The following PTGER3 variants were observed in gnomAD, a reference collection of about 807,000 sequenced individuals.
PTGER3 encodes the protein prostaglandin E2 receptor EP3 subtype.
Under a neutral mutation model 34.7 loss-of-function variants are expected in PTGER3, and 22 were observed. The observed-to-expected ratio is 0.63, with a 90% CI of 0.45 to 0.91. PTGER3 has a LOEUF of 0.91. PTGER3 is among the 40% of genes least tolerant of loss of function. The probability of loss-of-function intolerance (pLI) is 0.00; values close to 1 mark genes in which losing one functional copy is unlikely to be tolerated. For missense variants in PTGER3, 468 were observed against 519.4 expected, an observed-to-expected ratio of 0.90 and a Z score of 0.96; for synonymous variants, 241 against 230.1, an observed-to-expected ratio of 1.05 and a Z score of -0.43.
rs1048483749 is a variant in PTGER3 at position 71,008,073 on chromosome 1, T to TA, written c.1077+4231dup. ...AATATGAAGTTATTATCTCTCCTCT[T>TA]AAAAACAATCCCAGCCTCATCAACA... On this transcript the variant is annotated intron_variant, in intron 2 of 3. Coordinates refer to ENST00000306666, the MANE Select transcript of PTGER3 (RefSeq NM_198719.2). 25 of 982,960 alleles carry TA rather than the reference T, an allele frequency of 2.5e-5. No individual in the cohort carries two copies. In the African/African-American group the frequency reaches 4.0e-4, roughly 16 times the overall value. 60.9% of individuals were successfully genotyped at this position (982,960 alleles called of 1,614,324 possible). A position where few individuals can be genotyped will look rare whatever the true frequency, so the allele number is the denominator to read the frequency against.
intron 2 of PTGER3, among the ~76,000 whole-genome samples, chr1:70,982,228 C>T (rs1449068705): frequency 6.6e-6 from 1 of 152,110 alleles, no homozygotes; most frequent in Non-Finnish European, 1.5e-5. Context: ...ATTATTCTAC[C>T]AGGTATATTT....
At chr1:71,045,950 G>A (rs897965751) in intron 1 of PTGER3, among the ~76,000 whole-genome samples, 8 of 151,746 alleles carry the variant, frequency 5.3e-5, no homozygotes. Flanking sequence ...GACTGTATGG[G>A]GTTGCAGACT....
At chr1:71,025,886 T>C (rs1658885830) in intron 1 of PTGER3, among the ~76,000 whole-genome samples, 1 of 152,238 alleles carries the variant, frequency 6.6e-6, no homozygotes, top group African/African-American at 2.4e-5. Context: ...CTTCCTGTCA[T>C]GATTAGGAAA....
intron 2 of PTGER3, among the ~76,000 whole-genome samples, chr1:70,985,031 C>T (rs900104796): frequency 1.6e-4 from 25 of 152,116 alleles, no homozygotes; most frequent in African/African-American, 5.6e-4. Flanking sequence ...AGAGCTAATG[C>T]CAACTTCAGC....
chr1:71,047,693 C>G lies in PTGER3; in HGVS notation c.-116G>C, dbSNP rs957711058. ...ACCGCGGCTGGGGCTGGGCTGCCCC[C>G]CATGGTGCGGGGCGCAGCCGCCGCC... On this transcript the variant is annotated 5_prime_UTR_variant, in exon 1 of 4. Transcript: ENST00000306666. 8 of 1,256,856 alleles carry G rather than the reference C, an allele frequency of 6.4e-6. No homozygotes were observed. The African/African-American group carries it at 7.9e-5, about 12-fold the overall frequency. The allele number at this position is 1,256,856 out of a possible 1,614,324, so 77.9% of individuals were successfully genotyped here. A position where few individuals can be genotyped will look rare whatever the true frequency, so the allele number is the denominator to read the frequency against.
intron 2 of PTGER3, chr1:70,997,311 G>A (rs192520987): frequency 7.2e-5 from 11 of 152,108 alleles, no homozygotes; most frequent in Non-Finnish European, 1.0e-4. Flanking sequence ...TAAAGTATAC[G>A]TCTCTTCTCT....
intron 4 of PTGER3, among the ~76,000 whole-genome samples, chr1:70,857,620 C>A (rs1287782687): frequency 1.6e-4 from 24 of 152,038 alleles, no homozygotes; most frequent in Admixed American, 1.4e-3. Flanking sequence ...CCTGCAAGCT[C>A]CGCCTCCCAG....
intron 4 of PTGER3, among the ~76,000 whole-genome samples, chr1:70,901,263 A>T (rs980512138): frequency 2.0e-5 from 3 of 152,172 alleles, no homozygotes; most frequent in African/African-American, 7.2e-5. Context: ...CTAAATTCGC[A>T]GAGTGGGACT....
At chr1:70,925,544 A>G (rs1167089423) in intron 4 of PTGER3, among the ~76,000 whole-genome samples, 1 of 152,192 alleles carries the variant, frequency 6.6e-6, no homozygotes, top group Non-Finnish European at 1.5e-5. Context: ...AGAGTAGACA[A>G]ATCATTTTTG....
chr1:71,010,008 ATTTC>A (rs1657302604), intron 2 of PTGER3: 10 of 985,104 alleles, frequency 1.0e-5, no homozygotes, highest in Non-Finnish European at 1.2e-5. Context: ...CATTTACATA[ATTTC>A]TTTGTTTTCC....
At chr1:70,952,910 T>G (rs1650903855) in exon 4 of PTGER3, 2 of 1,604,346 alleles carry the variant, frequency 1.2e-6, no homozygotes, top group African/African-American at 2.7e-5. Context: ...CTTCATGTTA[T>G]TCTGTCTTTA....
intron 1 of PTGER3, among the ~76,000 whole-genome samples, chr1:71,034,227 G>A (rs1458206027): frequency 6.6e-6 from 1 of 152,056 alleles, no homozygotes; most frequent in Non-Finnish European, 1.5e-5. Flanking sequence ...TACTAGCAGG[G>A]AAAAACTGTT....
chr1:70,989,430 C>T (rs1292388814), intron 2 of PTGER3, among the ~76,000 whole-genome samples: 1 of 152,080 alleles, frequency 6.6e-6, no homozygotes, highest in East Asian at 1.9e-4. Flanking sequence ...AAAAGGGACT[C>T]TTTTTTGCCT....
chr1:71,007,084 G>A (rs139655363), intron 2 of PTGER3: 21 of 984,526 alleles, frequency 2.1e-5, no homozygotes, highest in African/African-American at 1.9e-4. Context: ...TTTACATAGA[G>A]GTGATAAAAG....
At chr1:70,935,264 T>G (rs1649100253) in intron 4 of PTGER3, among the ~76,000 whole-genome samples, 1 of 152,192 alleles carries the variant, frequency 6.6e-6, no homozygotes, top group African/African-American at 2.4e-5. Context: ...TCCTACACAT[T>G]TATAATATAC....
intron 4 of PTGER3, among the ~76,000 whole-genome samples, chr1:70,925,445 C>A (rs914453336): frequency 2.0e-5 from 3 of 152,108 alleles, no homozygotes; most frequent in Admixed American, 6.6e-5. Context: ...GAAAATCATA[C>A]AAGTGTAACA....
In PTGER3 at chr1:71,046,899, T is replaced by G; in HGVS notation, c.679A>C (p.Asn227His). The change falls in exon 1 of 4, where the codon AAC (asparagine) becomes CAC (histidine). Residue 227 changes from asparagine to histidine, a missense_variant. This residue lies in a region of PTGER3 where 204 missense variants were observed against 230.8 expected (regional missense o/e 0.88). Coordinates refer to ENST00000306666, the MANE Select transcript of PTGER3 (RefSeq NM_198719.2). ...GCAAAGGCAGAGGCGAAGAAAAGGT[T>G]GCCCCAGTTATGCGAAGAGCTAGTC... ...NGTSSSHNWG[N>H]LFFASAFAFL... 1 of 1,612,820 alleles carries G rather than the reference T, an allele frequency of 6.2e-7. No homozygotes were observed.
chr1:70,985,822 G>T (rs1435722433), intron 2 of PTGER3, among the ~76,000 whole-genome samples: 1 of 152,176 alleles, frequency 6.6e-6, no homozygotes, highest in Non-Finnish European at 1.5e-5. Flanking sequence ...GGCAGTAACA[G>T]TAGTGACGGT....
chr1:71,022,608 G>A (rs1245255458), intron 1 of PTGER3, among the ~76,000 whole-genome samples: 1 of 151,730 alleles, frequency 6.6e-6, no homozygotes, highest in Non-Finnish European at 1.5e-5. Context: ...CTTATATTCA[G>A]GATGGACACT....
Sources: allele counts gnomAD v4.1 joint callset (sites outside exome capture counted in the v4.1 genomes callset), GRCh38; gene constraint gnomAD v4.1.1; regional missense constraint gnomAD v4.1.1; transcripts MANE v1.5; gene names NCBI Gene and HGNC (gene_info 2026-07-23, HGNC 2026-07-21).